The following DOCK4 variants were observed in gnomAD, a reference collection of about 807,000 sequenced individuals.
DOCK4 encodes dedicator of cytokinesis protein 4.
Under a neutral mutation model 268.1 loss-of-function variants are expected in DOCK4, and 97 were observed. The observed-to-expected ratio is 0.36, with a 90% CI of 0.31 to 0.43. DOCK4 has a LOEUF of 0.43. Ranked by LOEUF, DOCK4 falls within the 20% of genes least tolerant of loss-of-function variation. The pLI, the probability that DOCK4 is intolerant of heterozygous loss-of-function variation, is 1.00. For missense variants in DOCK4, 2,145 were observed against 2,455.7 expected, an observed-to-expected ratio of 0.87 and a Z score of 2.67; for synonymous variants, 954 against 887.2, an observed-to-expected ratio of 1.08 and a Z score of -1.34.
chr7:111,837,168 A>C lies in DOCK4; in HGVS notation c.2737-2482T>G, dbSNP rs151217358. ...GGGGCACATTACATAGAGAAGAACAAAGACAAAGATGAGAAAAGATTTCTC... is the reference window on the plus strand; with the variant it reads ...GGGGCACATTACATAGAGAAGAACACAGACAAAGATGAGAAAAGATTTCTC... On this transcript the variant is annotated intron_variant, in intron 25 of 52. Transcript: ENST00000428084. Among the ~76,000 whole-genome samples the C allele has an allele frequency of 5.6e-3, 846 of 152,182 alleles. 11 individuals are homozygous for C. Among genetic ancestry groups the C allele is most frequent in the African/African-American group, 0.019 (801 of 41,552 alleles).
At chr7:111,939,000 G>A (rs113656150) in intron 11 of DOCK4, among the ~76,000 whole-genome samples, 11,004 of 150,414 alleles carry the variant, frequency 0.073, 429 homozygotes, top group Middle Eastern at 0.15. Context: ...AGTTGGGGGG[G>A]TGGGGGATTG....
chr7:112,165,353 CTTT>C (rs71524828), intron 1 of DOCK4, among the ~76,000 whole-genome samples: 43,703 of 151,736 alleles, frequency 0.29, 7,772 homozygotes, highest in African/African-American at 0.51. Flanking sequence ...ATCTATCTAT[CTTT>C]CCATGCTCTA....
chr7:111,925,015 A>G (rs1396084437), intron 12 of DOCK4, among the ~76,000 whole-genome samples: 2 of 152,110 alleles, frequency 1.3e-5, no homozygotes, highest in Non-Finnish European at 2.9e-5. Context: ...GTATTAGCAA[A>G]ACTTCCTATA....
At chr7:112,160,174 G>A (rs78933787) in intron 1 of DOCK4, among the ~76,000 whole-genome samples, 2,175 of 152,270 alleles carry the variant, frequency 0.014, 51 homozygotes, top group African/African-American at 0.049. Context: ...TGCAGTCAGA[G>A]CAAGGGCTCC....
At chr7:111,902,559 T>C (rs1337170227) in intron 13 of DOCK4, among the ~76,000 whole-genome samples, 1 of 152,028 alleles carries the variant, frequency 6.6e-6, no homozygotes, top group African/African-American at 2.4e-5. Flanking sequence ...CTTAGGCAAA[T>C]GTGCTAACAG....
chr7:111,772,013 G>A (rs1319098170), intron 36 of DOCK4, among the ~76,000 whole-genome samples: 1 of 152,170 alleles, frequency 6.6e-6, no homozygotes, highest in African/African-American at 2.4e-5. Context: ...TCCTTCCCAC[G>A]GCTGCCCACA....
intron 51 of DOCK4, 22 bp downstream of exon 51, chr7:111,735,032 T>G (rs764347403): frequency 6.6e-7 from 1 of 1,519,668 alleles, no homozygotes; most frequent in African/African-American, 1.4e-5. Context: ...AAAGTGATCA[T>G]TCAAATTCTT....
intron 1 of DOCK4, among the ~76,000 whole-genome samples, chr7:112,046,195 C>T (rs181076578): frequency 2.0e-5 from 3 of 152,234 alleles, no homozygotes; most frequent in Admixed American, 2.0e-4. Context: ...AATCCTAGCC[C>T]ATTCTACCTT....
chr7:111,775,591 CCT>C (rs1167805300), intron 36 of DOCK4, among the ~76,000 whole-genome samples: 1 of 152,148 alleles, frequency 6.6e-6, no homozygotes, highest in Non-Finnish European at 1.5e-5. Context: ...CTTAGACTTC[CCT>C]GTTTCCTGGA....
intron 5 of DOCK4, among the ~76,000 whole-genome samples, chr7:111,990,777 G>A (rs183975542): frequency 2.0e-5 from 3 of 152,266 alleles, no homozygotes; most frequent in Admixed American, 6.5e-5. Context: ...CAATACTCTT[G>A]TAATTAACTG....
Position 111,901,746 on chromosome 7 carries a change from T to C in DOCK4, c.1248A>G (p.Gly416=). The change falls in exon 14 of 53, where the codon GGA becomes GGG. Residue 416 remains glycine (G), a synonymous_variant. Transcript: ENST00000428084. The stretch of plus-strand genomic sequence containing the variant: ...CCACATTTCTGGCCACGCTCTTCCC[T>C]CCTTTCTCAAATTCTCCCCTTTCAA... ...ITIERGEFEK[G]GKSVARNVEV... 6.2e-7 allele frequency: 1 copy of C among 1,611,094 alleles called. No individual in the cohort carries two copies. Among genetic ancestry groups the C allele is most frequent in the Non-Finnish European group, 8.5e-7 (1 of 1,177,576 alleles).
rs1055888068 is a variant in DOCK4, at chr7:112,124,850, C to T, written c.37+81252G>A. On this transcript the variant is annotated intron_variant, in intron 1 of 52. Coordinates refer to ENST00000428084, the MANE Select transcript of DOCK4 (RefSeq NM_001363540.2). ...ATATATAATTCGTTTTTTTAACCAC[C>T]TTCCTAACAATAACCTGCTTAAACT... Among the ~76,000 whole-genome samples, 21 of 152,106 alleles carry T rather than the reference C, an allele frequency of 1.4e-4. 1 individual carries two copies. Among genetic ancestry groups the T allele is most frequent in the African/African-American group, 4.6e-4 (19 of 41,408 alleles).
At chr7:111,986,952 G>A (rs6951506) in intron 6 of DOCK4, among the ~76,000 whole-genome samples, 66,572 of 152,104 alleles carry the variant, frequency 0.44, 18,411 homozygotes, top group African/African-American at 0.79. Context: ...AATTTCATCT[G>A]GTTTAATAGG....
At chr7:111,779,501 G>A (rs1434579436) in intron 35 of DOCK4, among the ~76,000 whole-genome samples, 2 of 152,128 alleles carry the variant, frequency 1.3e-5, no homozygotes, top group East Asian at 1.9e-4. Context: ...GAGTTCAAGT[G>A]ATTCTCCTGC....
At chr7:112,153,829 T>TG (rs1255589278) in intron 1 of DOCK4, among the ~76,000 whole-genome samples, 1 of 152,206 alleles carries the variant, frequency 6.6e-6, no homozygotes, top group African/African-American at 2.4e-5. Flanking sequence ...AAGCAATGTG[T>TG]GCAAGGCATC....
intron 29 of DOCK4, 136 bp from the exon 30 acceptor site, chr7:111,809,015 C>G (rs748788915): frequency 1.7e-5 from 16 of 941,740 alleles, no homozygotes; most frequent in Admixed American, 4.8e-5. Context: ...ATATACATGT[C>G]ACGATGCCTC....
intron 12 of DOCK4, among the ~76,000 whole-genome samples, chr7:111,926,239 A>C (rs1397492514): frequency 6.8e-6 from 1 of 146,930 alleles, no homozygotes; most frequent in Non-Finnish European, 1.5e-5. Context: ...CCAACATGGT[A>C]AAACCCCATC....
chr7:111,739,186 G>A lies in DOCK4; in HGVS notation c.5180C>T (p.Pro1727Leu). 6.2e-7 allele frequency: 1 copy of A among 1,614,016 alleles called. No individual in the cohort carries two copies. Among genetic ancestry groups the A allele is most frequent in the South Asian group, 1.1e-5 (1 of 91,084 alleles). ...KHSRENSCLS[P>L]RERPCSAIYP... Reference sequence around the variant, plus strand: ...GATGGCACTGCATGGTCTCTCTCTTGGTGACAGGCAAGAGTTTTCTCGGGA... The same window carrying A: ...GATGGCACTGCATGGTCTCTCTCTTAGTGACAGGCAAGAGTTTTCTCGGGA... The change falls in exon 49 of 53, where the codon CCA becomes CTA. Residue 1727 changes from proline to leucine, a missense_variant. Pro to Leu is a moderately conservative substitution (Grantham distance 98, BLOSUM62 -3). This residue lies in a region of DOCK4 where 547 missense variants were observed against 469.0 expected (regional missense o/e 1.17). Coordinates refer to ENST00000428084, the MANE Select transcript of DOCK4 (RefSeq NM_001363540.2).
At chr7:112,152,167 A>T (rs73438642) in intron 1 of DOCK4, among the ~76,000 whole-genome samples, 1 of 152,202 alleles carries the variant, frequency 6.6e-6, no homozygotes. Flanking sequence ...GAGAAGCTAA[A>T]GAAAAAATAA....
Sources: gnomAD v4.1 joint callset for allele counts (sites outside exome capture counted in the v4.1 genomes callset) on GRCh38, gnomAD v4.1.1 for gene constraint, gnomAD v4.1.1 regional missense constraint, MANE v1.5 for transcripts, NCBI Gene and HGNC (gene_info 2026-07-23, HGNC 2026-07-21) for gene names.